DNAJC10: variants seen among roughly 807,000 people sequenced by gnomAD.
The protein encoded by DNAJC10 is endoplasmic reticulum disulfide reductase DNAJC10.
A neutral mutation model predicts 115.0 loss-of-function variants in DNAJC10; 101 were observed. The observed-to-expected ratio is 0.88, with a 90% confidence interval of 0.75 to 1.04. The LOEUF (loss-of-function observed/expected upper bound fraction) is 1.04. Among genes scored for constraint, DNAJC10 ranks in the 50% least tolerant of loss-of-function variants. The pLI is 0.00. For synonymous variants in DNAJC10, 307 were observed against 301.5 expected (o/e 1.02, Z -0.19); for missense variants, 981 against 928.8 (o/e 1.06, Z -0.73).
intron 14 of DNAJC10, among the ~76,000 whole-genome samples, chr2:182,751,130 CTTTTTT>C (rs773393648): frequency 1.4e-4 from 12 of 85,178 alleles, no homozygotes; most frequent in African/African-American, 4.8e-4. Context: ...GAGATTTTGA[CTTTTTT>C]TTTTTTTTTT....
At position 182,754,978 on chromosome 2, in the gene DNAJC10, T is replaced by C; in HGVS notation, c.1552-25T>C. On this transcript the variant is annotated intron_variant, in intron 16 of 23. Transcript: ENST00000264065. The stretch of plus-strand genomic sequence containing the variant: ...AAATAGGTGAAATCTATAAAATCTT[T>C]AATTCATATTCTCCTTCCTATCAGT... The C allele has an allele frequency of 2.7e-6, 4 of 1,476,646 alleles. No individual in the cohort carries two copies. The South Asian group carries it at 4.7e-5, about 17-fold the overall frequency. The allele number at this position is 1,476,646 out of a possible 1,614,324, so 91.5% of individuals were successfully genotyped here.
chr2:182,786,289 C>T lies in DNAJC10; in HGVS notation c.*9157C>T, dbSNP rs1162577126. 1 of 152,098 alleles carries T rather than the reference C, an allele frequency of 6.6e-6. No homozygotes were observed. Among genetic ancestry groups the T allele is most frequent in the Non-Finnish European group, 1.5e-5 (1 of 68,034 alleles). 9.4% of individuals were successfully genotyped at this position (152,098 alleles called of 1,614,324 possible). A position where few individuals can be genotyped will look rare whatever the true frequency, so the allele number is the denominator to read the frequency against. Reference sequence around the variant, plus strand: ...TGGAATTGGTTGGCACTAAGTAGGACCACTTTCGAAGAGAATGGGTAGAAT... The same window carrying T: ...TGGAATTGGTTGGCACTAAGTAGGATCACTTTCGAAGAGAATGGGTAGAAT... On this transcript the variant is annotated 3_prime_UTR_variant, in exon 24 of 24. Coordinates refer to ENST00000264065, the MANE Select transcript of DNAJC10 (RefSeq NM_018981.4).
intron 14 of DNAJC10, among the ~76,000 whole-genome samples, chr2:182,748,843 G>C (rs1490150913): frequency 2.0e-5 from 3 of 152,116 alleles, no homozygotes; most frequent in Admixed American, 6.5e-5. Flanking sequence ...CCCAGAGATT[G>C]TGGTATGTTG....
At chr2:182,719,960 G>T in intron 3 of DNAJC10, 47 bp from the exon 4 acceptor site, 1 of 1,157,748 alleles carries the variant, frequency 8.6e-7, no homozygotes, top group Non-Finnish European at 1.2e-6. Flanking sequence ...AAGAAACTTG[G>T]ATTGTGTATC....
rs932858724 is a variant in DNAJC10, at chr2:182,788,279, C to G, written c.*11147C>G. 1 of 164,362 alleles carries G rather than the reference C, an allele frequency of 6.1e-6. No homozygotes were observed. The highest frequency in any genetic ancestry group is 2.4e-5 in the African/African-American group (1 of 41,526). 10.2% of individuals were successfully genotyped at this position (164,362 alleles called of 1,614,324 possible). A position where few individuals can be genotyped will look rare whatever the true frequency, so the allele number is the denominator to read the frequency against. ...AAAGGAAATGCGCGTTGATACCAGC[C>G]TCTACAAAGCTGTCGGGGCCAGGCG... On this transcript the variant is annotated 3_prime_UTR_variant, in exon 24 of 24. Coordinates refer to ENST00000264065, the MANE Select transcript of DNAJC10 (RefSeq NM_018981.4).
chr2:182,726,056 A>G (rs1051133753), intron 5 of DNAJC10, among the ~76,000 whole-genome samples: 8 of 152,188 alleles, frequency 5.3e-5, no homozygotes, highest in African/African-American at 1.9e-4. Flanking sequence ...AGGAGTCACC[A>G]TTCTAGTGTC....
rs1017430385 is a variant in DNAJC10 at position 182,780,109 on chromosome 2, A to G, written c.*2977A>G. On this transcript the variant is annotated 3_prime_UTR_variant, in exon 24 of 24. Coordinates refer to ENST00000264065, the MANE Select transcript of DNAJC10 (RefSeq NM_018981.4). ...AACCTTTCTGATAATATTCTACTTTACACATATACTGAAAACTTACTTACA... is the reference window on the plus strand; with the variant it reads ...AACCTTTCTGATAATATTCTACTTTGCACATATACTGAAAACTTACTTACA... The G allele has an allele frequency of 3.3e-5, 5 of 152,184 alleles. No individual in the cohort carries two copies. Among genetic ancestry groups the G allele is most frequent in the Non-Finnish European group, 7.3e-5 (5 of 68,040 alleles). The allele number at this position is 152,184 out of a possible 1,614,324, so 9.4% of individuals were successfully genotyped here.
chr2:182,754,904 A>C, intron 16 of DNAJC10, 99 bp from the exon 17 acceptor site: 2 of 1,285,196 alleles, frequency 1.6e-6, no homozygotes, highest in Non-Finnish European at 2.1e-6. Context: ...ATGGGTTTTT[A>C]AAATCTTGTT....
intron 4 of DNAJC10, among the ~76,000 whole-genome samples, chr2:182,721,546 A>G (rs1437719141): frequency 6.6e-6 from 1 of 152,160 alleles, no homozygotes; most frequent in African/African-American, 2.4e-5. Flanking sequence ...ACATGATACC[A>G]TGTGTTAAAA....
At chr2:182,759,417 A>G in intron 21 of DNAJC10, 110 bp downstream of exon 21, 1 of 997,578 alleles carries the variant, frequency 1.0e-6, no homozygotes, top group Non-Finnish European at 1.5e-6. Context: ...GTTTCCTCTG[A>G]ATTTAAAAAT....
rs1306207171 is a variant in DNAJC10, at chr2:182,784,884, C to G, written c.*7752C>G. On this transcript the variant is annotated 3_prime_UTR_variant, in exon 24 of 24. Coordinates refer to ENST00000264065, the MANE Select transcript of DNAJC10 (RefSeq NM_018981.4). ...TTTAAGCAGAAATAACATCAGGTAC[C>G]AGTAGATGGCAGTGAAAAATAAGCA... 2 of 152,130 alleles carry G rather than the reference C, an allele frequency of 1.3e-5. No homozygotes were observed. Among genetic ancestry groups the G allele is most frequent in the Non-Finnish European group, 2.9e-5 (2 of 68,022 alleles). The allele number at this position is 152,130 out of a possible 1,614,324, so 9.4% of individuals were successfully genotyped here. A position where few individuals can be genotyped will look rare whatever the true frequency, so the allele number is the denominator to read the frequency against.
intron 22 of DNAJC10, among the ~76,000 whole-genome samples, chr2:182,773,727 G>A (rs942823928): frequency 2.6e-5 from 4 of 152,092 alleles, no homozygotes; most frequent in South Asian, 2.1e-4. Flanking sequence ...TTAGCCATTC[G>A]TCTAATCTTT....
At chr2:182,736,522 CA>C in intron 11 of DNAJC10, 136 bp downstream of exon 11, 1 of 497,846 alleles carries the variant, frequency 2.0e-6, no homozygotes, top group Non-Finnish European at 3.2e-6. Context: ...ATTTAGAACA[CA>C]TACTTAATTT....
intron 10 of DNAJC10, among the ~76,000 whole-genome samples, chr2:182,734,383 T>A (rs11901549): frequency 2.0e-5 from 3 of 151,218 alleles, no homozygotes. Flanking sequence ...ATCATAAAGG[T>A]TATTTTTAAA....
intron 11 of DNAJC10, 44 bp from the exon 12 acceptor site, chr2:182,740,255 G>T: frequency 7.9e-7 from 1 of 1,264,780 alleles, no homozygotes; most frequent in Middle Eastern, 2.2e-4. Flanking sequence ...CAAATATAAT[G>T]AATATTTATT....
intron 17 of DNAJC10, among the ~76,000 whole-genome samples, chr2:182,755,432 G>A (rs1375434982): frequency 1.4e-5 from 2 of 140,788 alleles, no homozygotes; most frequent in East Asian, 4.1e-4. Context: ...GGCATCTACA[G>A]CATCTTTTTT....
At chr2:182,775,881 G>A (rs1021101205) in intron 23 of DNAJC10, among the ~76,000 whole-genome samples, 4 of 152,110 alleles carry the variant, frequency 2.6e-5, no homozygotes, top group Non-Finnish European at 5.9e-5. Flanking sequence ...TAATACTATT[G>A]ATGTTAAATA....
intron 23 of DNAJC10, among the ~76,000 whole-genome samples, chr2:182,776,840 TATC>T (rs1214111986): frequency 6.6e-6 from 1 of 152,206 alleles, no homozygotes. Flanking sequence ...TAATCTAAAA[TATC>T]ATACCTGAAA....
At position 182,778,623 on chromosome 2, in the gene DNAJC10, T is replaced by C. The variant is rs1694770702; in HGVS notation, c.*1491T>C. On this transcript the variant is annotated 3_prime_UTR_variant, in exon 24 of 24. Coordinates refer to ENST00000264065, the MANE Select transcript of DNAJC10 (RefSeq NM_018981.4). Reference sequence around the variant, plus strand: ...CTCATAAGGGTTATTATAGCCATAATTAATGTTAAAATAGACTTTGTTCTT... The same window carrying C: ...CTCATAAGGGTTATTATAGCCATAACTAATGTTAAAATAGACTTTGTTCTT... 1 of 152,222 alleles carries C rather than the reference T, an allele frequency of 6.6e-6. No homozygotes were observed. Among genetic ancestry groups the C allele is most frequent in the African/African-American group, 2.4e-5 (1 of 41,466 alleles). 9.4% of individuals were successfully genotyped at this position (152,222 alleles called of 1,614,324 possible).
Sources: gnomAD v4.1 joint callset for allele counts (sites outside exome capture counted in the v4.1 genomes callset) on GRCh38, gnomAD v4.1.1 for gene constraint, MANE v1.5 for transcripts, NCBI Gene and HGNC (gene_info 2026-07-23, HGNC 2026-07-21) for gene names.